Variants in DNAH10 observed in about 807,000 individuals in gnomAD.
DNAH10 encodes the protein axonemal beta dynein heavy chain 10.
A neutral mutation model predicts 506.6 loss-of-function variants in DNAH10; 348 were observed. The observed-to-expected ratio is 0.69, with a 90% CI of 0.63 to 0.75. The LOEUF (loss-of-function observed/expected upper bound fraction) is 0.75, where lower values mean the gene tolerates loss of function less well. DNAH10 is among the 30% of genes least tolerant of loss of function. The probability of loss-of-function intolerance (pLI) is 0.00; values close to 1 mark genes in which losing one functional copy is unlikely to be tolerated. For missense variants in DNAH10, 5,179 were observed against 5,787.1 expected (o/e 0.89, Z 3.41); for synonymous variants, 2,059 against 2,198.6 (o/e 0.94, Z 1.78).
At chr12:123,914,797 C>A (rs998372169) in intron 61 of DNAH10, 55 bp from the exon 62 acceptor site, 16 of 1,588,352 alleles carry the variant, frequency 1.0e-5, no homozygotes, top group Non-Finnish European at 1.4e-5. Context: ...CACCCTTAGC[C>A]CTTGGCTCAC....
In DNAH10 at chr12:123,914,454, A is replaced by G; in HGVS notation, c.10478A>G (p.Asn3493Ser). Residue 3493 changes from asparagine (N) to serine (S), a missense_variant, in exon 61 of 79, where the codon AAT becomes AGT. By Grantham distance (46) the Asn-to-Ser change is conservative (BLOSUM62 1). Around this residue, in one of 3 missense-constraint regions of DNAH10, gnomAD observed 4,844 missense variants for 5,430.5 expected, o/e 0.89. Coordinates refer to ENST00000673944, the MANE Select transcript of DNAH10 (RefSeq NM_001372106.1). ...TGGGAGTTCCGTGACGAGATGGTCA[A>G]TCGGATTTGGCAAAATGACATCCTG... ...FTWEFRDEMV[N>S]RIWQNDILER... 1.9e-6 allele frequency: 3 copies of G among 1,613,838 alleles called. No individual in the cohort carries two copies. The highest frequency in any genetic ancestry group is 2.5e-6 in the Non-Finnish European group (3 of 1,179,910).
In DNAH10 at chr12:123,931,741, G is replaced by A. The variant is rs759779776; in HGVS notation, c.13022G>A (p.Arg4341His). ...TTTGACTTGGACCAGGTGAGGAAGC[G>A]CCTCGGAACAGGACTCTCCCCCACT... ...KVFDLDQVRK[R>H]LGTGLSPTSV... Residue 4341 changes from arginine (R) to histidine (H), a missense_variant, in exon 75 of 79, where the codon CGC becomes CAC. Transcript: ENST00000673944. 44 of 1,613,894 alleles carry A rather than the reference G, an allele frequency of 2.7e-5. No homozygotes were observed. In the Admixed American group the frequency reaches 3.2e-4, roughly 12 times the overall value.
chr12:123,823,356 C>T (rs1035721626), intron 24 of DNAH10, among the ~76,000 whole-genome samples: 1 of 152,094 alleles, frequency 6.6e-6, no homozygotes, highest in African/African-American at 2.4e-5. Context: ...CGGAGGCAGC[C>T]GGGGGATTGC....
At position 123,914,458 on chromosome 12, in the gene DNAH10, G is replaced by T. The variant is rs11057392; in HGVS notation, c.10482G>T (p.Arg3494=). 3 of 1,613,802 alleles carry T rather than the reference G, an allele frequency of 1.9e-6. No individual in the cohort carries two copies. Among genetic ancestry groups the T allele is most frequent in the Admixed American group, 1.7e-5 (1 of 60,028 alleles). ...AGTTCCGTGACGAGATGGTCAATCGGATTTGGCAAAATGACATCCTGGAGC... is the reference window on the plus strand; with the variant it reads ...AGTTCCGTGACGAGATGGTCAATCGTATTTGGCAAAATGACATCCTGGAGC... ...TWEFRDEMVN[R]IWQNDILERE... is the part of the protein sequence containing the mutation. Residue 3494 remains arginine, a synonymous_variant, in exon 61 of 79, where the codon CGG becomes CGT. Transcript: ENST00000673944.
intron 25 of DNAH10, among the ~76,000 whole-genome samples, chr12:123,829,083 G>A (rs1027024545): frequency 6.6e-6 from 1 of 152,152 alleles, no homozygotes; most frequent in African/African-American, 2.4e-5. Context: ...TATTTGCAAG[G>A]CCGCCAAGCA....
chr12:123,893,314 T>G lies in DNAH10; in HGVS notation c.9077T>G (p.Met3026Arg). 1.2e-6 allele frequency: 2 copies of G among 1,613,978 alleles called. No individual in the cohort carries two copies. The highest frequency in any genetic ancestry group is 2.2e-5 in the South Asian group (2 of 91,084). ...GGACAGGAAGCTCTGAAGCAAGGCA[T>G]GGGGCCGGCCAAGGAGTCTGTGTGG... Reference protein sequence around the residue: ...QIGQEALKQGMGPAKESVWQY... With the variant: ...QIGQEALKQGRGPAKESVWQY... The change falls in exon 53 of 79, where the codon ATG (methionine) becomes AGG (arginine). Residue 3026 changes from methionine (M) to arginine (R), a missense_variant. By Grantham distance (91) the Met-to-Arg change is moderately conservative. Around this residue, in one of 3 missense-constraint regions of DNAH10, gnomAD observed 4,844 missense variants for 5,430.5 expected, o/e 0.89. Transcript: ENST00000673944.
At chr12:123,912,649 G>A (rs1363394539) in intron 59 of DNAH10, among the ~76,000 whole-genome samples, 1 of 152,214 alleles carries the variant, frequency 6.6e-6, no homozygotes, top group Non-Finnish European at 1.5e-5. Flanking sequence ...GCAGTTGAGA[G>A]CAGCGGGGCC....
At chr12:123,847,377 A>G (rs1951003601) in intron 32 of DNAH10, among the ~76,000 whole-genome samples, 1 of 146,906 alleles carries the variant, frequency 6.8e-6, no homozygotes, top group African/African-American at 2.4e-5. Flanking sequence ...GAGATTTATT[A>G]TGAGGTATTG....
At position 123,794,082 on chromosome 12, in the gene DNAH10, T is replaced by G; in HGVS notation, c.1956T>G (p.Phe652Leu). ...TTAATCGACAAATGATGATGAAATTTAATGATATTCTTGCACAGTACTGTA... is the reference window on the plus strand; with the variant it reads ...TTAATCGACAAATGATGATGAAATTGAATGATATTCTTGCACAGTACTGTA... ...EAVNRQMMMK[F>L]NDILAQYCKE... is the part of the protein sequence containing the mutation. The change falls in exon 12 of 79, where the codon TTT (phenylalanine) becomes TTG (leucine). Residue 652 changes from phenylalanine to leucine, a missense_variant. This residue lies in a region of DNAH10 where 4,844 missense variants were observed against 5,430.5 expected (regional missense o/e 0.89). Transcript: ENST00000673944. 7.8e-7 allele frequency: 1 copy of G among 1,281,570 alleles called. No homozygotes were observed. Among genetic ancestry groups the G allele is most frequent in the South Asian group, 1.3e-5 (1 of 79,058 alleles). The allele number at this position is 1,281,570 out of a possible 1,614,324, so 79.4% of individuals were successfully genotyped here. A position where few individuals can be genotyped will look rare whatever the true frequency, so the allele number is the denominator to read the frequency against.
Position 123,887,173 on chromosome 12 carries a change from C to A in DNAH10, c.8855C>A (p.Ser2952Ter), listed in dbSNP as rs745863697. The A allele has an allele frequency of 1.9e-5, 30 of 1,611,726 alleles. No individual in the cohort carries two copies. Among genetic ancestry groups the A allele is most frequent in the Non-Finnish European group, 2.5e-5 (29 of 1,178,968 alleles). Residue 2952 changes from serine to a stop codon, truncating the protein, a stop_gained, in exon 52 of 79, where the codon TCG becomes TAG. Transcript: ENST00000673944. LOFTEE classifies it high-confidence loss of function. ...GAGATCCTGCTGAGCCGAGGCTACT[C>A]GGAGAACAGTTTCCGGGAAGACCTG... ...VFEILLSRGY[S>*]ENSFREDLKS...
rs149270683 is a variant in DNAH10, at chr12:123,799,266, A to G, written c.2184A>G (p.Glu728=). The G allele has an allele frequency of 1.2e-5, 19 of 1,609,176 alleles. No individual in the cohort carries two copies. The African/African-American group carries it at 1.2e-4, about 10-fold the overall frequency. The change falls in exon 14 of 79, where the codon GAA becomes GAG. Residue 728 remains glutamate, a synonymous_variant. Coordinates refer to ENST00000673944, the MANE Select transcript of DNAH10 (RefSeq NM_001372106.1). ...GATAGGTCAAACAAAAATATTTGGA[A>G]GTAGGTAGGACAATGAAGGAGTATG... ...RGQEVKQKYL[E]VGRTMKEYED...
At position 123,916,607 on chromosome 12, in the gene DNAH10, C is replaced by T. The variant is rs770683270; in HGVS notation, c.10873C>T (p.Gln3625Ter). ...EKNIKVSQGR[Q>*]FIILGDKEVD... ...AAATATAAAAGTCTCCCAAGGACGG[C>T]AGTTTATTATCCTGGGAGACAAGGA... The change falls in exon 63 of 79, where the codon CAG (glutamine) becomes TAG (stop). Residue 3625 changes from glutamine to a stop codon, truncating the protein, a stop_gained. Coordinates refer to ENST00000673944, the MANE Select transcript of DNAH10 (RefSeq NM_001372106.1). LOFTEE classifies it high-confidence loss of function. This position sits in a 1 kb window ranked among gnomAD's most constrained non-coding sequence, Gnocchi z 4.6. 1.9e-6 allele frequency: 3 copies of T among 1,613,880 alleles called. No homozygotes were observed. In the South Asian group the frequency reaches 3.3e-5, roughly 18 times the overall value.
Position 123,826,882 on chromosome 12 carries a change from G to A in DNAH10, c.4375G>A (p.Glu1459Lys), listed in dbSNP as rs1000588504. ...TCCTTTACTTCTTGACTTGAAAAAC[G>A]AGGCACTAAGAGACAGGTTTGTTTT... ...SIPLLLDLKN[E>K]ALRDRHWKEL... The change falls in exon 25 of 79, where the codon GAG (glutamate) becomes AAG (lysine). Residue 1459 changes from glutamate to lysine, a missense_variant. Transcript: ENST00000673944. 9 of 1,612,906 alleles carry A rather than the reference G, an allele frequency of 5.6e-6. No individual in the cohort carries two copies. The highest frequency in any genetic ancestry group is 1.6e-4 in the Middle Eastern group (1 of 6,068).
At chr12:123,838,877 A>G (rs1299563216) in intron 29 of DNAH10, among the ~76,000 whole-genome samples, 188 bp downstream of exon 29, 1 of 152,140 alleles carries the variant, frequency 6.6e-6, no homozygotes, top group African/African-American at 2.4e-5. Flanking sequence ...CAGTGGTACA[A>G]TCATGGCTCA....
intron 3 of DNAH10, 112 bp from the exon 4 acceptor site, chr12:123,772,722 C>T: frequency 1.3e-6 from 1 of 785,256 alleles, no homozygotes; most frequent in Non-Finnish European, 2.0e-6. Flanking sequence ...ATTGTCAGAA[C>T]ATGAGACCAG....
chr12:123,861,566 C>A (rs946474051), intron 39 of DNAH10, among the ~76,000 whole-genome samples: 1 of 152,174 alleles, frequency 6.6e-6, no homozygotes, highest in Non-Finnish European at 1.5e-5. Context: ...TAGCAAAGGG[C>A]CATGGAAAGT....
rs181979725 is a variant in DNAH10, at chr12:123,787,046, G to A, written c.1422-758G>A. Among the ~76,000 whole-genome samples the A allele has an allele frequency of 7.4e-4, 113 of 152,244 alleles. 1 individual carries two copies. Among genetic ancestry groups the A allele is most frequent in the South Asian group, 2.7e-3 (13 of 4,810 alleles). On this transcript the variant is annotated intron_variant, in intron 9 of 78. Transcript: ENST00000673944. The surrounding 1 kb of genome is among the most constrained non-coding windows in gnomAD (Gnocchi z 4.6). ...CCCAGCCACTCAGGAGGCTGAGGCA[G>A]GAGAATCGCTTGAACCCAGGAAGTG...
intron 57 of DNAH10, among the ~76,000 whole-genome samples, chr12:123,904,237 G>A (rs57078519): frequency 0.43 from 64,684 of 151,922 alleles, 15,455 homozygotes; most frequent in African/African-American, 0.66. Flanking sequence ...GTGTCAAGGA[G>A]GGTATAAGGA....
At position 123,910,654 on chromosome 12, in the gene DNAH10, C is replaced by T. The variant is rs753559857; in HGVS notation, c.10116C>T (p.Ile3372=). 9 of 1,613,468 alleles carry T rather than the reference C, an allele frequency of 5.6e-6. No individual in the cohort carries two copies. The highest frequency in any genetic ancestry group is 1.3e-5 in the African/African-American group (1 of 75,028). The change falls in exon 59 of 79, where the codon ATC becomes ATT. Residue 3372 remains isoleucine (I), a synonymous_variant. Transcript: ENST00000673944. ...GCTACTGTGATGTTTTCAGAGAAATCAAGCCCAAAAGAGAGAAGGTATTGC... is the reference window on the plus strand; with the variant it reads ...GCTACTGTGATGTTTTCAGAGAAATTAAGCCCAAAAGAGAGAAGGTATTGC... ...VMGYCDVFRE[I]KPKREKVARL... is the part of the protein sequence containing the mutation.
Sources: allele counts gnomAD v4.1 joint callset (sites outside exome capture counted in the v4.1 genomes callset), GRCh38; gene constraint gnomAD v4.1.1; regional missense constraint gnomAD v4.1.1; non-coding constraint Gnocchi (gnomAD v3.1); transcripts MANE v1.5; gene names NCBI Gene and HGNC (gene_info 2026-07-23, HGNC 2026-07-21).